The following CNTN5 variants were observed in gnomAD, a reference collection of about 807,000 sequenced individuals.
The protein encoded by CNTN5 is contactin 5.
In CNTN5, 77 loss-of-function variants were observed where a neutral mutation model predicts 129.1. The ratio of observed to expected loss-of-function variants is 0.60; its 90% CI spans 0.50 to 0.72. The LOEUF is 0.72. Among genes scored for constraint, CNTN5 ranks in the 30% least tolerant of loss-of-function variants. CNTN5 has a pLI of 0.00. For synonymous variants in CNTN5, 509 were observed against 465.6 expected (o/e 1.09, Z -1.20); for missense variants, 1,478 against 1,328.8 (o/e 1.11, Z -1.75).
intron 17 of CNTN5, among the ~76,000 whole-genome samples, chr11:100,263,722 T>C (rs1190773245): frequency 2.0e-5 from 3 of 152,144 alleles, no homozygotes; most frequent in Non-Finnish European, 4.4e-5. Flanking sequence ...AACCCTGTGC[T>C]TCAATCTTAT....
chr11:100,296,415 C>A (rs1951101241), intron 18 of CNTN5, among the ~76,000 whole-genome samples: 1 of 151,504 alleles, frequency 6.6e-6, no homozygotes, highest in Admixed American at 6.6e-5. Context: ...CCATGCAATT[C>A]TGAGGGAATC....
At chr11:100,166,444 C>G (rs1189680472) in intron 13 of CNTN5, among the ~76,000 whole-genome samples, 1 of 151,652 alleles carries the variant, frequency 6.6e-6, no homozygotes, top group Admixed American at 6.6e-5. Flanking sequence ...AATAATTCTT[C>G]TGTTCATTTC....
intron 18 of CNTN5, among the ~76,000 whole-genome samples, chr11:100,286,312 C>G (rs1346319915): frequency 6.6e-6 from 1 of 152,226 alleles, no homozygotes; most frequent in East Asian, 1.9e-4. Flanking sequence ...AGGGCACAGA[C>G]AAACAAAAAG....
chr11:99,681,013 A>C (rs1429124530), intron 3 of CNTN5, among the ~76,000 whole-genome samples: 1 of 152,004 alleles, frequency 6.6e-6, no homozygotes, highest in Non-Finnish European at 1.5e-5. Flanking sequence ...CAGTGGAAGA[A>C]GTAACTGAAG....
intron 13 of CNTN5, among the ~76,000 whole-genome samples, chr11:100,087,683 G>A (rs1422742932): frequency 1.3e-5 from 2 of 151,828 alleles, no homozygotes; most frequent in African/African-American, 4.8e-5. Flanking sequence ...CAGTAGTGGG[G>A]GAACTCAACA....
rs183476727 is a variant in CNTN5, at chr11:99,966,815, G to A, written c.877+9806G>A. Among the ~76,000 whole-genome samples the A allele has an allele frequency of 4.3e-3, 650 of 152,212 alleles. 3 individuals carry two copies. The highest frequency in any genetic ancestry group is 0.015 in the African/African-American group (633 of 41,550). On this transcript the variant is annotated intron_variant, in intron 8 of 24. Coordinates refer to ENST00000524871, the MANE Select transcript of CNTN5 (RefSeq NM_014361.4). Reference sequence around the variant, plus strand: ...AATATCCTAATGTTGAACAAAAAAAGTTGACTTTCTGTTATTTATTCAGTT... The same window carrying A: ...AATATCCTAATGTTGAACAAAAAAAATTGACTTTCTGTTATTTATTCAGTT...
chr11:99,239,276 G>C (rs1009766918), intron 1 of CNTN5, among the ~76,000 whole-genome samples: 1 of 152,074 alleles, frequency 6.6e-6, no homozygotes, highest in Non-Finnish European at 1.5e-5. Context: ...ATTTAGCCAA[G>C]TTTAATTATC....
At chr11:100,010,511 G>A (rs537968385) in intron 9 of CNTN5, among the ~76,000 whole-genome samples, 15 of 151,920 alleles carry the variant, frequency 9.9e-5, no homozygotes, top group African/African-American at 2.2e-4. Context: ...AGGGGCTATC[G>A]AGCTGACAGG....
intron 3 of CNTN5, among the ~76,000 whole-genome samples, chr11:99,570,710 C>G (rs774523426): frequency 6.6e-6 from 1 of 152,090 alleles, no homozygotes; most frequent in African/African-American, 2.4e-5. Flanking sequence ...AAGACAGACA[C>G]TTTAGCAAGA....
chr11:99,846,178 A>G (rs1184791525), intron 6 of CNTN5, among the ~76,000 whole-genome samples: 1 of 149,838 alleles, frequency 6.7e-6, no homozygotes, highest in Non-Finnish European at 1.5e-5. Context: ...AAACATTTCT[A>G]AAGTAGATAA....
chr11:99,922,633 G>A (rs375510712), intron 7 of CNTN5, among the ~76,000 whole-genome samples: 2 of 152,034 alleles, frequency 1.3e-5, no homozygotes, highest in East Asian at 1.9e-4. Context: ...TTTTACTTCC[G>A]TTTTTCAAAT....
At chr11:100,238,408 CAAAAAAA>C (rs201855934) in intron 16 of CNTN5, among the ~76,000 whole-genome samples, 9,882 of 71,410 alleles carry the variant, frequency 0.14, 325 homozygotes, top group South Asian at 0.24. Flanking sequence ...CCTCACTTGT[CAAAAAAA>C]AAAAAAAAAA....
chr11:99,775,531 A>T (rs1945093823), intron 3 of CNTN5, among the ~76,000 whole-genome samples: 1 of 152,102 alleles, frequency 6.6e-6, no homozygotes, highest in Non-Finnish European at 1.5e-5. Flanking sequence ...ACTTTAAAAA[A>T]CAAATGAGAG....
intron 1 of CNTN5, among the ~76,000 whole-genome samples, chr11:99,023,798 G>A (rs951681327): frequency 2.0e-5 from 3 of 151,996 alleles, no homozygotes; most frequent in Non-Finnish European, 2.9e-5. Flanking sequence ...TTACCAAGTC[G>A]TTGGAAATTT....
intron 13 of CNTN5, among the ~76,000 whole-genome samples, chr11:100,077,923 G>A (rs1944205467): frequency 6.6e-6 from 1 of 151,982 alleles, no homozygotes. Context: ...TATGTCCAGA[G>A]CAATGGCATA....
intron 3 of CNTN5, among the ~76,000 whole-genome samples, chr11:99,558,046 C>A (rs185593764): frequency 2.1e-4 from 32 of 151,724 alleles, no homozygotes; most frequent in African/African-American, 7.7e-4. Flanking sequence ...AAAAGGATAC[C>A]TCTATAAAAA....
At chr11:99,406,677 C>A (rs1191188918) in intron 2 of CNTN5, among the ~76,000 whole-genome samples, 1 of 152,176 alleles carries the variant, frequency 6.6e-6, no homozygotes, top group Admixed American at 6.5e-5. Flanking sequence ...TCCAGAGGTG[C>A]TATCTGGGAG....
intron 1 of CNTN5, among the ~76,000 whole-genome samples, chr11:99,043,340 T>G (rs951016016): frequency 7.4e-6 from 1 of 134,312 alleles, no homozygotes; most frequent in Non-Finnish European, 1.6e-5. Flanking sequence ...TGTGTCCATG[T>G]GAGTTAGTGG....
chr11:99,612,624 T>G (rs11220638), intron 3 of CNTN5, among the ~76,000 whole-genome samples: 25,182 of 152,134 alleles, frequency 0.17, 2,300 homozygotes, highest in Non-Finnish European at 0.2. Flanking sequence ...GCCTGAGCTC[T>G]CCAAAGCTGC....
Sources: allele counts gnomAD v4.1 joint callset (sites outside exome capture counted in the v4.1 genomes callset), GRCh38; gene constraint gnomAD v4.1.1; transcripts MANE v1.5; gene names NCBI Gene and HGNC (gene_info 2026-07-23, HGNC 2026-07-21).